ZNF438: variants seen among roughly 807,000 people sequenced by gnomAD.
ZNF438 encodes the protein zinc finger protein 438.
In ZNF438, 25 loss-of-function variants were observed where a neutral mutation model predicts 38.0. That is an observed-to-expected ratio of 0.66 (90% CI 0.48 to 0.92). ZNF438 has a LOEUF of 0.92. ZNF438 is among the 40% of genes least tolerant of loss of function. The pLI, the probability that ZNF438 is intolerant of heterozygous loss-of-function variation, is 0.00. For synonymous variants in ZNF438, 372 were observed against 364.1 expected, an observed-to-expected ratio of 1.02 and a Z score of -0.25; for missense variants, 1,007 against 999.6, an observed-to-expected ratio of 1.01 and a Z score of -0.10.
At chr10:31,014,460 C>G (rs2056013505) in intron 1 of ZNF438, among the ~76,000 whole-genome samples, 1 of 152,112 alleles carries the variant, frequency 6.6e-6, no homozygotes, top group Non-Finnish European at 1.5e-5. Flanking sequence ...GCGCACTATT[C>G]ACATCATGAG....
chr10:30,947,163 C>T (rs903780893), intron 1 of ZNF438, among the ~76,000 whole-genome samples: 11 of 152,196 alleles, frequency 7.2e-5, no homozygotes, highest in Non-Finnish European at 1.3e-4. Context: ...GTGATTACAG[C>T]TGTCTTTTAT....
chr10:30,973,566 T>C (rs2050983588), intron 1 of ZNF438, among the ~76,000 whole-genome samples: 2 of 152,242 alleles, frequency 1.3e-5, no homozygotes, highest in South Asian at 2.1e-4. Context: ...ATTCAATTCA[T>C]GATACGTGTT....
intron 1 of ZNF438, among the ~76,000 whole-genome samples, chr10:30,947,705 A>C (rs1052861462): frequency 2.6e-5 from 4 of 152,226 alleles, no homozygotes; most frequent in African/African-American, 7.2e-5. Context: ...CCTCCGAGCC[A>C]GGTGTGGGAT....
At position 30,950,832 on chromosome 10, in the gene ZNF438, G is replaced by A. The variant is rs558826852; in HGVS notation, c.-191-9181C>T. On this transcript the variant is annotated intron_variant, in intron 1 of 5. Coordinates refer to ENST00000413025, the Ensembl canonical transcript of ZNF438. Reference sequence around the variant, plus strand: ...TCTACCAGAGGTACAAGGAGGAACTGGTACCATTCCTTCTGAAATTATTCC... The same window carrying A: ...TCTACCAGAGGTACAAGGAGGAACTAGTACCATTCCTTCTGAAATTATTCC... Among the ~76,000 whole-genome samples, 53 of 111,068 alleles carry A rather than the reference G, an allele frequency of 4.8e-4. 3 individuals are homozygous for A. The South Asian group carries it at 0.014, about 29-fold the overall frequency. 72.9% of individuals were successfully genotyped at this position (111,068 alleles called of 152,430 possible).
intron 3 of ZNF438, among the ~76,000 whole-genome samples, chr10:30,904,827 A>T (rs183510111): frequency 5.9e-5 from 9 of 152,232 alleles, no homozygotes; most frequent in Non-Finnish European, 1.3e-4. Context: ...ACTCGGATTC[A>T]TCCTTTGGAT....
chr10:31,030,515 CAACA>C (rs1332656911), intron 1 of ZNF438, among the ~76,000 whole-genome samples: 1 of 152,188 alleles, frequency 6.6e-6, no homozygotes, highest in Non-Finnish European at 1.5e-5. Context: ...CTGGAAAAAC[CAACA>C]AACAGATAAA....
chr10:30,866,678 C>T (rs886431935), intron 4 of ZNF438, among the ~76,000 whole-genome samples: 1 of 151,938 alleles, frequency 6.6e-6, no homozygotes, highest in Non-Finnish European at 1.5e-5. Context: ...ACTAAAAATA[C>T]AAAAAATTAG....
intron 4 of ZNF438, among the ~76,000 whole-genome samples, chr10:30,853,976 C>T (rs1273214500): frequency 6.6e-6 from 1 of 151,958 alleles, no homozygotes. Flanking sequence ...GCCTGGGCAA[C>T]ACAGTGAGAC....
At chr10:30,931,692 C>T (rs2045717617) in intron 2 of ZNF438, among the ~76,000 whole-genome samples, 1 of 152,190 alleles carries the variant, frequency 6.6e-6, no homozygotes, top group Admixed American at 6.5e-5. Context: ...CCAATAGCCA[C>T]TAACCTACTG....
chr10:30,883,384 T>C (rs2039526534), intron 3 of ZNF438, among the ~76,000 whole-genome samples: 1 of 152,168 alleles, frequency 6.6e-6, no homozygotes, highest in African/African-American at 2.4e-5. Context: ...AAAATCATCA[T>C]TGTAATGTGT....
intron 4 of ZNF438, among the ~76,000 whole-genome samples, chr10:30,875,153 G>A (rs1389974191): frequency 1.3e-5 from 2 of 152,124 alleles, no homozygotes; most frequent in Non-Finnish European, 2.9e-5. Context: ...GTAGGGCCAA[G>A]GGGTCTTACT....
At chr10:30,852,088 T>C (rs1207252174) in intron 4 of ZNF438, among the ~76,000 whole-genome samples, 1 of 151,318 alleles carries the variant, frequency 6.6e-6, no homozygotes, top group Non-Finnish European at 1.5e-5. Flanking sequence ...ACTTGAACCC[T>C]GGAGGCAGAG....
intron 1 of ZNF438, among the ~76,000 whole-genome samples, chr10:30,943,104 T>C (rs1219672144): frequency 6.6e-6 from 1 of 152,170 alleles, no homozygotes; most frequent in African/African-American, 2.4e-5. Flanking sequence ...AAGGTTTTTG[T>C]CATTGGTGCT....
Position 30,962,032 on chromosome 10 carries a change from G to C in ZNF438, c.-191-20381C>G, listed in dbSNP as rs865879832. ...GTACTGGTTCTCTCCATCAGTTTAG[G>C]TCTTTTAATTTGCTTTTTCTTCTTA... On this transcript the variant is annotated intron_variant, in intron 1 of 5. Transcript: ENST00000413025. Among the ~76,000 whole-genome samples the C allele has an allele frequency of 6.1e-5, 9 of 146,750 alleles. 1 individual carries two copies. Among genetic ancestry groups the C allele is most frequent in the Non-Finnish European group, 1.4e-4 (9 of 64,786 alleles).
At chr10:31,003,393 G>A (rs752913145) in intron 1 of ZNF438, among the ~76,000 whole-genome samples, 9 of 152,036 alleles carry the variant, frequency 5.9e-5, no homozygotes, top group South Asian at 2.1e-4. Flanking sequence ...TACTCTTCCC[G>A]TTGGGTCCCT....
intron 4 of ZNF438, chr10:30,875,355 C>T: frequency 1.0e-6 from 1 of 985,288 alleles, no homozygotes; most frequent in Non-Finnish European, 1.2e-6. Context: ...AAAGGAACAC[C>T]TAGTCATTCT....
chr10:30,972,693 C>G (rs1472302997), intron 1 of ZNF438, among the ~76,000 whole-genome samples: 3 of 152,064 alleles, frequency 2.0e-5, no homozygotes, highest in Non-Finnish European at 4.4e-5. Context: ...CCAAAAAGAC[C>G]AAGACTTCAA....
At chr10:30,850,133 G>A (rs2033292583) in exon 5 of ZNF438, 1 of 1,614,126 alleles carries the variant, frequency 6.2e-7, no homozygotes, top group East Asian at 2.2e-5. Flanking sequence ...AAGAGAAAAT[G>A]TCCCCTCCTG....
intron 1 of ZNF438, among the ~76,000 whole-genome samples, chr10:30,985,281 A>T (rs2052643411): frequency 6.6e-6 from 1 of 152,204 alleles, no homozygotes; most frequent in African/African-American, 2.4e-5. Context: ...TGGCTAGCTT[A>T]AAGACACGGA....
Sources: gnomAD v4.1 joint callset for allele counts (sites outside exome capture counted in the v4.1 genomes callset) on GRCh38, gnomAD v4.1.1 for gene constraint, MANE v1.5 for transcripts, NCBI Gene and HGNC (gene_info 2026-07-23, HGNC 2026-07-21) for gene names.